ITGB8: variants seen among roughly 807,000 people sequenced by gnomAD.
ITGB8 encodes integrin subunit beta 8.
In ITGB8, 30 loss-of-function variants were observed where a neutral mutation model predicts 89.5. That is an observed-to-expected ratio of 0.34 (90% CI 0.25 to 0.45). The LOEUF (loss-of-function observed/expected upper bound fraction) is 0.45. Among genes scored for constraint, ITGB8 ranks in the 20% least tolerant of loss-of-function variants. The probability of loss-of-function intolerance (pLI) is 1.00; values close to 1 mark genes in which losing one functional copy is unlikely to be tolerated. For synonymous variants in ITGB8, 335 were observed against 320.4 expected, an observed-to-expected ratio of 1.05 and a Z score of -0.49; for missense variants, 836 against 933.3, an observed-to-expected ratio of 0.90 and a Z score of 1.36.
In ITGB8 at chr7:20,395,004, C is replaced by G; in HGVS notation, c.1146+19C>G. 1 of 1,461,796 alleles carries G rather than the reference C, an allele frequency of 6.8e-7. No individual in the cohort carries two copies. The highest frequency in any genetic ancestry group is 9.5e-7 in the Non-Finnish European group (1 of 1,048,358). The allele number at this position is 1,461,796 out of a possible 1,614,324, so 90.6% of individuals were successfully genotyped here. ...CTATCAGGTATGTATATATTAGATA[C>G]AATTTTTTAAATAAAATTTTTACCT... On this transcript the variant is annotated intron_variant, in intron 8 of 13. Coordinates refer to ENST00000222573, the MANE Select transcript of ITGB8 (RefSeq NM_002214.3).
chr7:20,379,437 G>T (rs1786284512), intron 4 of ITGB8, 140 bp downstream of exon 4: 1 of 421,192 alleles, frequency 2.4e-6, no homozygotes, highest in Non-Finnish European at 3.8e-6. Flanking sequence ...AGGTGGGGAG[G>T]TTTCTTCATA....
intron 8 of ITGB8, among the ~76,000 whole-genome samples, chr7:20,396,847 C>G (rs1787102850): frequency 6.6e-6 from 1 of 152,228 alleles, no homozygotes. Flanking sequence ...TTTTGCCTAG[C>G]ATAGGTATGC....
rs1784381013 is a variant in ITGB8 at position 20,331,297 on chromosome 7, C to CT, written c.-504dup. ...ACTGCGCTGATTGATGCGCCACAGA[C>CT]TTTTTTCCCCTCGACCTCGCCGGCG... On this transcript the variant is annotated 5_prime_UTR_variant, in exon 1 of 14. An upstream open reading frame in the 5' UTR loses its in-frame stop. Transcript: ENST00000222573. The CT allele has an allele frequency of 8.3e-6, 3 of 361,952 alleles. No homozygotes were observed. The highest frequency in any genetic ancestry group is 9.8e-6 in the Non-Finnish European group (2 of 203,282). 22.4% of individuals were successfully genotyped at this position (361,952 alleles called of 1,614,324 possible).
At chr7:20,348,135 G>A (rs1357549335) in intron 1 of ITGB8, among the ~76,000 whole-genome samples, 1 of 152,168 alleles carries the variant, frequency 6.6e-6, no homozygotes, top group Non-Finnish European at 1.5e-5. Context: ...GGTAAAGTTA[G>A]GGTCATATCT....
At chr7:20,351,132 T>C (rs540925149) in intron 1 of ITGB8, among the ~76,000 whole-genome samples, 1 of 152,224 alleles carries the variant, frequency 6.6e-6, no homozygotes, top group African/African-American at 2.4e-5. Flanking sequence ...GCACTGATGA[T>C]AAGAAAAGTA....
chr7:20,368,314 G>A (rs147525034), intron 3 of ITGB8, among the ~76,000 whole-genome samples: 174 of 152,190 alleles, frequency 1.1e-3, no homozygotes, highest in African/African-American at 3.9e-3. Context: ...ATTTAGTGTC[G>A]TAAATAAATT....
intron 6 of ITGB8, among the ~76,000 whole-genome samples, chr7:20,389,784 C>T (rs1786779237): frequency 6.6e-6 from 1 of 151,406 alleles, no homozygotes; most frequent in African/African-American, 2.4e-5. Context: ...AAGATTATGC[C>T]TTTCATTAGG....
At chr7:20,333,740 G>C (rs1784489676) in intron 1 of ITGB8, among the ~76,000 whole-genome samples, 1 of 152,118 alleles carries the variant, frequency 6.6e-6, no homozygotes, top group African/African-American at 2.4e-5. Context: ...TCAGAACAAG[G>C]CATCCTTTTC....
chr7:20,381,964 T>C, intron 6 of ITGB8, 79 bp downstream of exon 6: 1 of 1,235,770 alleles, frequency 8.1e-7, no homozygotes, highest in Non-Finnish European at 1.1e-6. Context: ...CAACTATTTT[T>C]GTACCAGGAA....
chr7:20,345,945 G>A (rs1784908895), intron 1 of ITGB8, among the ~76,000 whole-genome samples: 1 of 152,092 alleles, frequency 6.6e-6, no homozygotes, highest in Non-Finnish European at 1.5e-5. Context: ...GAGTATTGTT[G>A]GAGAAAATTA....
intron 1 of ITGB8, among the ~76,000 whole-genome samples, chr7:20,360,673 A>AT (rs900873732): frequency 6.6e-6 from 1 of 151,190 alleles, no homozygotes; most frequent in Non-Finnish European, 1.5e-5. Context: ...AAAGGACATT[A>AT]TTTTTTTACG....
At chr7:20,348,811 A>C (rs999405356) in intron 1 of ITGB8, among the ~76,000 whole-genome samples, 2 of 152,254 alleles carry the variant, frequency 1.3e-5, no homozygotes, top group East Asian at 3.8e-4. Context: ...ATAAGTAGCC[A>C]GTGGGAACAA....
chr7:20,400,415 C>T (rs180993880), intron 9 of ITGB8, among the ~76,000 whole-genome samples: 72 of 152,238 alleles, frequency 4.7e-4, no homozygotes, highest in Non-Finnish European at 7.8e-4. Flanking sequence ...GCATTTTAAG[C>T]ATAACACCAA....
chr7:20,402,087 G>C lies in ITGB8; in HGVS notation c.1648G>C (p.Asp550His), dbSNP rs1165619634. 6.2e-6 allele frequency: 10 copies of C among 1,613,646 alleles called. No homozygotes were observed. Among genetic ancestry groups the C allele is most frequent in the Non-Finnish European group, 8.5e-6 (10 of 1,179,828 alleles). The change falls in exon 10 of 14, where the codon GAC (aspartate) becomes CAC (histidine). Residue 550 changes from aspartate (D) to histidine (H), a missense_variant. This residue lies in a region of ITGB8 where 422 missense variants were observed against 416.9 expected (regional missense o/e 1.01). Transcript: ENST00000222573. ...GTATGGAAAATACTGTGAAAAGGAT[G>C]ACTTTTCTTGTCCATATCACCATGG... is the stretch of plus-strand genomic sequence containing the variant. ...KVYGKYCEKD[D>H]FSCPYHHGNL...
chr7:20,383,834 T>C (rs1233259871), intron 6 of ITGB8, among the ~76,000 whole-genome samples: 2 of 152,178 alleles, frequency 1.3e-5, no homozygotes, highest in Non-Finnish European at 1.5e-5. Flanking sequence ...GTTCCCAGTA[T>C]TTAAAGGAGT....
At chr7:20,358,660 C>T (rs1217711184) in intron 1 of ITGB8, among the ~76,000 whole-genome samples, 4 of 152,170 alleles carry the variant, frequency 2.6e-5, no homozygotes, top group Non-Finnish European at 5.9e-5. Context: ...ACCTCGGCCT[C>T]CCAAAGTGCT....
At chr7:20,405,087 A>G (rs1787480061) in intron 11 of ITGB8, among the ~76,000 whole-genome samples, 1 of 152,136 alleles carries the variant, frequency 6.6e-6, no homozygotes, top group Admixed American at 6.5e-5. Context: ...TTTTGAAATT[A>G]GAGGTTGCCT....
Position 20,414,887 on chromosome 7 carries a change from C to T in ITGB8, c.*4890C>T, listed in dbSNP as rs1169434413. On this transcript the variant is annotated 3_prime_UTR_variant, in exon 14 of 14. Transcript: ENST00000222573. ...CTATTAATCAGGTTTCTTCTAGCCT[C>T]TGCAACCTACTTCAGTTAGAATTGT... is the stretch of plus-strand genomic sequence containing the variant. 6.6e-6 allele frequency: 1 copy of T among 152,512 alleles called. No homozygotes were observed. Among genetic ancestry groups the T allele is most frequent in the Admixed American group, 6.6e-5 (1 of 15,256 alleles). The allele number at this position is 152,512 out of a possible 1,614,324, so 9.4% of individuals were successfully genotyped here.
chr7:20,356,652 C>G (rs10950804), intron 1 of ITGB8, among the ~76,000 whole-genome samples: 32,191 of 152,090 alleles, frequency 0.21, 4,298 homozygotes, highest in Non-Finnish European at 0.29. Context: ...TTAGGAGTAA[C>G]AGAAGAATCC....
Sources: gnomAD v4.1 joint callset for allele counts (sites outside exome capture counted in the v4.1 genomes callset) on GRCh38, gnomAD v4.1.1 for gene constraint, gnomAD v4.1.1 regional missense constraint, MANE v1.5 for transcripts, NCBI Gene and HGNC (gene_info 2026-07-23, HGNC 2026-07-21) for gene names.